PBRM1: variants seen among roughly 807,000 people sequenced by gnomAD.
The protein encoded by PBRM1 is polybromo 1, also known as protein polybromo-1.
Under a neutral mutation model 194.5 loss-of-function variants are expected in PBRM1, and 27 were observed. That is an observed-to-expected ratio of 0.14 (90% CI 0.10 to 0.19). PBRM1 has a LOEUF of 0.19. Among genes scored for constraint, PBRM1 ranks in the 10% least tolerant of loss-of-function variants. PBRM1 has a pLI of 1.00. For missense variants in PBRM1, 1,466 were observed against 2,077.2 expected (o/e 0.71, Z 5.72); for synonymous variants, 655 against 693.2 (o/e 0.94, Z 0.87).
chr3:52,612,233 T>A (rs1381211093), intron 15 of PBRM1, among the ~76,000 whole-genome samples: 1 of 110,678 alleles, frequency 9.0e-6, no homozygotes, highest in Non-Finnish European at 1.7e-5. Flanking sequence ...GACTCCAGCC[T>A]AGGCAACAGA....
chr3:52,570,520 T>G (rs1468155209), intron 22 of PBRM1, among the ~76,000 whole-genome samples: 1 of 152,168 alleles, frequency 6.6e-6, no homozygotes, highest in East Asian at 1.9e-4. Context: ...GAAAAAATAA[T>G]AATTCTGCTT....
intron 6 of PBRM1, 53 bp from the exon 8 acceptor site, chr3:52,648,495 C>A (rs2153783357): frequency 1.1e-6 from 1 of 945,440 alleles, no homozygotes. Context: ...TTCATCAGTA[C>A]AACCTTTAAA....
At chr3:52,634,568 A>T (rs776788500) in intron 11 of PBRM1, 34 bp downstream of exon 12, 37 of 1,350,952 alleles carry the variant, frequency 2.7e-5, no homozygotes, top group Non-Finnish European at 3.6e-5. Flanking sequence ...ACAACAAAAT[A>T]AAATTATACT....
intron 13 of PBRM1, 101 bp from the exon 15 acceptor site, chr3:52,625,042 A>G: frequency 6.3e-6 from 5 of 799,488 alleles, no homozygotes; most frequent in Middle Eastern, 2.2e-4. Flanking sequence ...AAGATTATTC[A>G]GTCCAAAGTA....
chr3:52,655,556 G>C (rs974510635), intron 5 of PBRM1, among the ~76,000 whole-genome samples: 1 of 152,100 alleles, frequency 6.6e-6, no homozygotes, highest in African/African-American at 2.4e-5. Flanking sequence ...TCAATACCCT[G>C]CTTTCACTTT....
upstream of PBRM1, chr3:52,679,781 C>A: frequency 1.4e-6 from 2 of 1,423,134 alleles, no homozygotes; most frequent in Non-Finnish European, 1.9e-6. Context: ...GTCACCAAGT[C>A]TTCAGCTGGA....
In PBRM1 at chr3:52,548,109, C is replaced by T. The variant is rs200304933; in HGVS notation, c.5024G>A (p.Arg1675Gln). 5.0e-6 allele frequency: 8 copies of T among 1,611,124 alleles called. No individual in the cohort carries two copies. The African/African-American group carries it at 5.3e-5, about 11-fold the overall frequency. The change falls in exon 30 of 30, where the codon CGG becomes CAG. Residue 1675 changes from arginine to glutamine, a missense_variant. Physicochemically the swap from Arg to Gln is conservative, Grantham distance 43 (BLOSUM62 1). Coordinates refer to ENST00000296302, the Ensembl canonical transcript of PBRM1. ...TGCTTGGCGAATGTTGAGGGTGTCC[C>T]GGAGCATCAAATCTCGAAGGCGCCA...
chr3:52,561,440 T>C (rs1351427132), intron 25 of PBRM1, among the ~76,000 whole-genome samples: 3 of 152,218 alleles, frequency 2.0e-5, no homozygotes, highest in African/African-American at 7.2e-5. Flanking sequence ...ATATTTAACA[T>C]CATTGTACAA....
At chr3:52,554,745 G>C (rs1201304205) in exon 27 of PBRM1, 6 of 1,562,494 alleles carry the variant, frequency 3.8e-6, no homozygotes, top group Non-Finnish European at 4.3e-6. Flanking sequence ...ATGCCCGGGA[G>C]GCCAGGCACA....
At chr3:52,594,809 T>G (rs1407019046) in intron 17 of PBRM1, among the ~76,000 whole-genome samples, 4 of 152,190 alleles carry the variant, frequency 2.6e-5, no homozygotes, top group African/African-American at 9.7e-5. Flanking sequence ...AAAAGGACTC[T>G]ATTTCTCCTT....
At chr3:52,548,256 A>G in intron 29 of PBRM1, 21 bp from the exon 32 acceptor site, 1 of 1,539,944 alleles carries the variant, frequency 6.5e-7, no homozygotes, top group Non-Finnish European at 8.7e-7. Context: ...AAGTACAGAG[A>G]GACAGAAATT....
intron 7 of PBRM1, among the ~76,000 whole-genome samples, chr3:52,647,442 AAAAAAAAAAAAAAAAATATATATATATAT>A (rs2096332834): frequency 1.3e-5 from 1 of 77,118 alleles, no homozygotes; most frequent in African/African-American, 4.7e-5. Context: ...AAAAAAAAAA[AAAAAAAAAAAAAAAAATATATATATATAT>A]ATATATATAT....
chr3:52,548,839 AGAAAT>A (rs1419076707), intron 29 of PBRM1, among the ~76,000 whole-genome samples: 1 of 152,228 alleles, frequency 6.6e-6, no homozygotes, highest in African/African-American at 2.4e-5. Flanking sequence ...TCTACTCTAA[AGAAAT>A]GAAATGAGAT....
At chr3:52,559,930 G>A (rs2083096722) in intron 25 of PBRM1, among the ~76,000 whole-genome samples, 3 of 138,258 alleles carry the variant, frequency 2.2e-5, no homozygotes, top group African/African-American at 5.5e-5. Context: ...AAGTGGGAAA[G>A]CAAAAAAATG....
At chr3:52,568,209 C>T (rs1307525716) in intron 22 of PBRM1, among the ~76,000 whole-genome samples, 3 of 152,182 alleles carry the variant, frequency 2.0e-5, no homozygotes, top group Non-Finnish European at 4.4e-5. Context: ...CGACTCCTGA[C>T]CTCAGGTGAT....
chr3:52,670,956 T>C lies in PBRM1; in HGVS notation c.237-2311A>G, dbSNP rs145273500. On this transcript the variant is annotated intron_variant, in intron 2 of 29. Transcript: ENST00000296302. ...ATTCTAGCCAATACGAGAGCTGAAG[T>C]GTGTCATATCCAAGTCATGTCCTTA... Among the ~76,000 whole-genome samples the C allele has an allele frequency of 4.0e-3, 614 of 152,340 alleles. 3 individuals are homozygous for C. The highest frequency in any genetic ancestry group is 0.023 in the South Asian group (110 of 4,832).
chr3:52,566,965 AG>A (rs1433840182), intron 22 of PBRM1, among the ~76,000 whole-genome samples: 3 of 151,626 alleles, frequency 2.0e-5, no homozygotes, highest in Non-Finnish European at 2.9e-5. Flanking sequence ...GCTACTCAGA[AG>A]GCTGAGGCAG....
chr3:52,618,555 TGAA>T (rs959352762), intron 13 of PBRM1, among the ~76,000 whole-genome samples: 1 of 151,726 alleles, frequency 6.6e-6, no homozygotes, highest in African/African-American at 2.4e-5. Flanking sequence ...AAGTGAACAG[TGAA>T]GTAGGTAATA....
chr3:52,653,328 G>A (rs1260934505), intron 5 of PBRM1, among the ~76,000 whole-genome samples: 1 of 152,058 alleles, frequency 6.6e-6, no homozygotes, highest in African/African-American at 2.4e-5. Flanking sequence ...GGTGGCTCGC[G>A]CCTGTAATCC....
Sources: gnomAD v4.1 joint callset for allele counts (sites outside exome capture counted in the v4.1 genomes callset) on GRCh38, gnomAD v4.1.1 for gene constraint, MANE v1.5 for transcripts, NCBI Gene and HGNC (gene_info 2026-07-23, HGNC 2026-07-21) for gene names.